The following SPIC variants were observed in gnomAD, a reference collection of about 807,000 sequenced individuals.
SPIC encodes the protein transcription factor Spi-C.
SPIC carries 9 observed loss-of-function variants against 16.7 expected under a neutral mutation model. That is an observed-to-expected ratio of 0.54 (90% CI 0.33 to 0.94). The LOEUF (loss-of-function observed/expected upper bound fraction) is 0.94, where lower values mean the gene tolerates loss of function less well. SPIC is among the 40% of genes least tolerant of loss of function. The pLI is 0.03. For missense variants in SPIC, 241 were observed against 285.8 expected (o/e 0.84, Z 1.13); for synonymous variants, 97 against 102.9 (o/e 0.94, Z 0.35).
chr12:101,486,624 ACT>A lies in SPIC; in HGVS notation c.606_607del (p.Pro203IlefsTer17), dbSNP rs1236799211. ...YQFSEAILQR[L>X]SPSYFLGKEI... Reference sequence around the variant, plus strand: ...AGTTCAGTGAGGCCATTCTCCAAAGACTCTCTCCATCCTATTTCCTGGGGAAA... The same window carrying A: ...AGTTCAGTGAGGCCATTCTCCAAAGACTCTCCATCCTATTTCCTGGGGAAA... On this transcript the variant is annotated frameshift_variant, in exon 6 of 6. Transcript: ENST00000551346. LOFTEE classifies it low-confidence loss of function (END_TRUNC). 3 of 1,613,514 alleles carry A rather than the reference ACT, an allele frequency of 1.9e-6. No homozygotes were observed. Among genetic ancestry groups the A allele is most frequent in the African/African-American group, 1.3e-5 (1 of 74,796 alleles).
Position 101,486,487 on chromosome 12 carries a change from G to A in SPIC, c.463G>A (p.Gly155Arg). ...CAAAGAAAAACTTGCCGAGCTTTGG[G>A]GGAAAAGAAAAGGCAACAGGAAGAC... is the stretch of plus-strand genomic sequence containing the variant. ...KNKEKLAELWGKRKGNRKTMT... is the reference protein window; with the variant it reads ...KNKEKLAELWRKRKGNRKTMT... The change falls in exon 6 of 6, where the codon GGG (glycine) becomes AGG (arginine). Residue 155 changes from glycine to arginine, a missense_variant. Physicochemically the swap from Gly to Arg is moderately radical, Grantham distance 125. Transcript: ENST00000551346. 6.2e-7 allele frequency: 1 copy of A among 1,614,124 alleles called. No individual in the cohort carries two copies. Among genetic ancestry groups the A allele is most frequent in the Non-Finnish European group, 8.5e-7 (1 of 1,180,032 alleles).
intron 5 of SPIC, 112 bp from the exon 6 acceptor site, chr12:101,486,232 A>C: frequency 1.9e-6 from 2 of 1,071,568 alleles, no homozygotes; most frequent in Non-Finnish European, 2.7e-6. Flanking sequence ...GAGTGGGAGA[A>C]AAACCAGTCT....
rs1873373212 is a variant in SPIC, at chr12:101,486,584, G to A, written c.560G>A (p.Arg187Lys). ...AGTGGGGAAATTACCAAAATCCGGA[G>A]GAAGCTGACTTACCAGTTCAGTGAG... ...GRSGEITKIR[R>K]KLTYQFSEAI... Residue 187 changes from arginine (R) to lysine (K), a missense_variant, in exon 6 of 6, where the codon AGG (arginine) becomes AAG (lysine). Transcript: ENST00000551346. 4 of 1,614,080 alleles carry A rather than the reference G, an allele frequency of 2.5e-6. No homozygotes were observed. The East Asian group carries it at 6.7e-5, about 27-fold the overall frequency.
In SPIC at chr12:101,479,705, G is replaced by T; in HGVS notation, c.210+11G>T. ...TGGAGAACGGTAATTGTAAGTATCA[G>T]ACCATCCCTTAATAACAGGCAAATA... is the stretch of plus-strand genomic sequence containing the variant. On this transcript the variant is annotated intron_variant, in intron 4 of 5. Transcript: ENST00000551346. 1 of 1,589,118 alleles carries T rather than the reference G, an allele frequency of 6.3e-7. No individual in the cohort carries two copies. Among genetic ancestry groups the T allele is most frequent in the Non-Finnish European group, 8.6e-7 (1 of 1,158,358 alleles).
At chr12:101,482,556 A>C (rs1873237476) in intron 4 of SPIC, among the ~76,000 whole-genome samples, 1 of 151,900 alleles carries the variant, frequency 6.6e-6, no homozygotes, top group South Asian at 2.1e-4. Context: ...TCTTGTAGGG[A>C]GGGTAGGACA....
At chr12:101,477,942 A>G (rs1346318927) in intron 3 of SPIC, among the ~76,000 whole-genome samples, 2 of 152,240 alleles carry the variant, frequency 1.3e-5, no homozygotes, top group East Asian at 1.9e-4. Context: ...TGAACCTGAG[A>G]GGCAGAAGCT....
rs1873364863 is a variant in SPIC, at chr12:101,486,332, C to A, written c.320-12C>A. The A allele has an allele frequency of 1.3e-6, 2 of 1,592,404 alleles. No individual in the cohort carries two copies. The highest frequency in any genetic ancestry group is 3.4e-4 in the Middle Eastern group (2 of 5,948). ...CCACGGTGGAGTTTGACCTTGTTTC[C>A]CTTCATTTTAGGCAGGAAGAAGCTC... On this transcript the variant is annotated splice_polypyrimidine_tract_variant and intron_variant, in intron 5 of 5. Transcript: ENST00000551346.
intron 5 of SPIC, among the ~76,000 whole-genome samples, chr12:101,485,927 C>T (rs969101035): frequency 6.6e-6 from 1 of 152,160 alleles, no homozygotes; most frequent in Non-Finnish European, 1.5e-5. Flanking sequence ...CCTCAGCCTC[C>T]CGAGTAGCTG....
At chr12:101,486,269 C>T (rs769442232) in intron 5 of SPIC, 75 bp from the exon 6 acceptor site, 50 of 1,437,666 alleles carry the variant, frequency 3.5e-5, no homozygotes, top group Non-Finnish European at 4.6e-5. Flanking sequence ...TCAGTAGTTG[C>T]TCAACAAACC....
At chr12:101,479,240 GAAAA>G (rs1268905321) in intron 3 of SPIC, among the ~76,000 whole-genome samples, 2 of 56,326 alleles carry the variant, frequency 3.6e-5, no homozygotes, top group African/African-American at 1.2e-4. Context: ...AAGAAAGAAA[GAAAA>G]AGAAAGAAAG....
chr12:101,477,524 C>T (rs556087099), intron 2 of SPIC, 34 bp from the exon 3 acceptor site: 6 of 1,588,672 alleles, frequency 3.8e-6, no homozygotes, highest in Non-Finnish European at 4.3e-6. Context: ...ATTGGTAATT[C>T]GAAAACTCCA....
intron 1 of SPIC, 143 bp from the exon 2 acceptor site, chr12:101,476,685 A>ACCTTTC: frequency 3.0e-6 from 1 of 338,572 alleles, no homozygotes; most frequent in Non-Finnish European, 5.4e-6. Flanking sequence ...CGTAGAAAAA[A>ACCTTTC]ATTTGTACTC....
At chr12:101,482,105 G>A (rs1378298349) in intron 4 of SPIC, among the ~76,000 whole-genome samples, 1 of 150,782 alleles carries the variant, frequency 6.6e-6, no homozygotes, top group Non-Finnish European at 1.5e-5. Flanking sequence ...AGCCGGGCAT[G>A]GTGGCACGCC....
intron 4 of SPIC, among the ~76,000 whole-genome samples, chr12:101,482,424 C>T (rs1393586855): frequency 6.6e-6 from 1 of 152,038 alleles, no homozygotes. Context: ...ATTTTATCTT[C>T]CCAGCTGCCT....
intron 3 of SPIC, among the ~76,000 whole-genome samples, chr12:101,478,653 G>A (rs1240972416): frequency 3.3e-5 from 5 of 152,066 alleles, no homozygotes; most frequent in Admixed American, 6.6e-5. Flanking sequence ...AACTATTCAC[G>A]AAAGGCTTTT....
At chr12:101,479,199 A>G (rs191099228) in intron 3 of SPIC, among the ~76,000 whole-genome samples, 13 of 124,640 alleles carry the variant, frequency 1.0e-4, no homozygotes, top group African/African-American at 3.7e-4. Context: ...AAAGAAAGAA[A>G]GAAAGAAAGA....
intron 4 of SPIC, among the ~76,000 whole-genome samples, chr12:101,482,454 T>A (rs1379562577): frequency 6.6e-6 from 1 of 152,156 alleles, no homozygotes; most frequent in Non-Finnish European, 1.5e-5. Flanking sequence ...TTTCTTTTCT[T>A]ATCTCCCCTT....
intron 5 of SPIC, among the ~76,000 whole-genome samples, chr12:101,485,929 G>T (rs1453511895): frequency 6.6e-6 from 1 of 152,118 alleles, no homozygotes; most frequent in Non-Finnish European, 1.5e-5. Context: ...TCAGCCTCCC[G>T]AGTAGCTGGG....
chr12:101,477,779 G>C, intron 3 of SPIC, 128 bp downstream of exon 3: 1 of 751,602 alleles, frequency 1.3e-6, no homozygotes, highest in African/African-American at 1.7e-5. Context: ...CACTTTGGGA[G>C]GCCAAGGTGG....
Sources: allele counts gnomAD v4.1 joint callset (sites outside exome capture counted in the v4.1 genomes callset), GRCh38; gene constraint gnomAD v4.1.1; transcripts MANE v1.5; gene names NCBI Gene and HGNC (gene_info 2026-07-23, HGNC 2026-07-21).